IL1RAPL2: variants seen among roughly 807,000 people sequenced by gnomAD.
The protein encoded by IL1RAPL2 is X-linked interleukin-1 receptor accessory protein-like 2.
A neutral mutation model predicts 44.1 loss-of-function variants in IL1RAPL2; 3 were observed. That is an observed-to-expected ratio of 0.07 (90% CI 0.03 to 0.18). The LOEUF (loss-of-function observed/expected upper bound fraction) is 0.18, where lower values mean the gene tolerates loss of function less well. Ranked by LOEUF, IL1RAPL2 falls within the 10% of genes least tolerant of loss-of-function variation. The pLI, the probability that IL1RAPL2 is intolerant of heterozygous loss-of-function variation, is 1.00. For missense variants in IL1RAPL2, 391 were observed against 496.4 expected (o/e 0.79, Z 2.02); for synonymous variants, 181 against 178.8 (o/e 1.01, Z -0.10).
chrX:104,813,961 C>T (rs1256103269), intron 2 of IL1RAPL2, among the ~76,000 whole-genome samples: 1 of 111,625 alleles, frequency 9.0e-6, no homozygotes, highest in Non-Finnish European at 1.9e-5. Context: ...CACTTCCTTC[C>T]TCCTTGGTCT....
chrX:104,610,528 A>G (rs780748455), intron 1 of IL1RAPL2, among the ~76,000 whole-genome samples: 3 of 112,178 alleles, frequency 2.7e-5, no homozygotes, highest in African/African-American at 6.5e-5. Context: ...CCTATTCACA[A>G]TTGCTTCAAA....
chrX:105,324,163 G>T (rs1479168158), intron 5 of IL1RAPL2, among the ~76,000 whole-genome samples: 5 of 110,592 alleles, frequency 4.5e-5, no homozygotes. Context: ...TGTGGGTGGG[G>T]CTGGGCAAGG....
intron 2 of IL1RAPL2, among the ~76,000 whole-genome samples, chrX:104,886,980 T>C (rs1288749736): frequency 8.9e-6 from 1 of 112,358 alleles, no homozygotes; most frequent in Non-Finnish European, 1.9e-5. Context: ...GTACAAGGTG[T>C]CTAGGTTGAA....
intron 2 of IL1RAPL2, among the ~76,000 whole-genome samples, chrX:104,957,767 G>A (rs1288118979): frequency 5.4e-5 from 6 of 111,187 alleles, no homozygotes; most frequent in Non-Finnish European, 9.4e-5. Context: ...TTGGTGTGTG[G>A]CCTGTGTTAT....
intron 1 of IL1RAPL2, among the ~76,000 whole-genome samples, chrX:104,577,728 TG>T (rs1928269237): frequency 9.0e-6 from 1 of 111,214 alleles, no homozygotes; most frequent in South Asian, 3.8e-4. Flanking sequence ...AGCCCAGCAG[TG>T]GCTAGGGCTT....
At chrX:104,612,336 TTAATC>T (rs1397129778) in intron 1 of IL1RAPL2, among the ~76,000 whole-genome samples, 2 of 112,133 alleles carry the variant, frequency 1.8e-5, no homozygotes, top group Admixed American at 9.5e-5. Flanking sequence ...ATTTCAATCT[TTAATC>T]TAAAGTTAAT....
chrX:104,639,432 T>C (rs1361613153), intron 1 of IL1RAPL2, among the ~76,000 whole-genome samples: 3 of 112,143 alleles, frequency 2.7e-5, no homozygotes, highest in Non-Finnish European at 5.6e-5. Context: ...TCAAGATTAT[T>C]ATTGATCTGT....
chrX:104,772,051 A>G (rs991155806), intron 2 of IL1RAPL2, among the ~76,000 whole-genome samples: 3 of 111,477 alleles, frequency 2.7e-5, no homozygotes, highest in African/African-American at 9.8e-5. Context: ...AGAAGAGTCT[A>G]TTAGATGGTC....
chrX:105,111,288 T>A (rs1717789289), intron 2 of IL1RAPL2, among the ~76,000 whole-genome samples: 1 of 112,065 alleles, frequency 8.9e-6, no homozygotes, highest in African/African-American at 3.2e-5. Context: ...GTTTTTCTAT[T>A]TGTTTTCTCT....
intron 2 of IL1RAPL2, among the ~76,000 whole-genome samples, chrX:104,725,511 G>A (rs1931771631): frequency 8.9e-6 from 1 of 111,929 alleles, no homozygotes; most frequent in Non-Finnish European, 1.9e-5. Flanking sequence ...CAGTGTAAAA[G>A]CATTCCTATT....
At chrX:104,777,541 A>ATT (rs1932737432) in intron 2 of IL1RAPL2, among the ~76,000 whole-genome samples, 1 of 85,317 alleles carries the variant, frequency 1.2e-5, no homozygotes, top group Non-Finnish European at 2.2e-5. Flanking sequence ...CTCTGCTTTC[A>ATT]ATTATTATTA....
chrX:104,826,844 G>A (rs1921463117), intron 2 of IL1RAPL2, among the ~76,000 whole-genome samples: 1 of 108,419 alleles, frequency 9.2e-6, no homozygotes, highest in Admixed American at 1.0e-4. Context: ...TTGTTGCATT[G>A]ATCCCTTTAC....
chrX:105,191,143 G>A (rs782711191), intron 2 of IL1RAPL2, among the ~76,000 whole-genome samples: 14 of 112,744 alleles, frequency 1.2e-4, no homozygotes, highest in Middle Eastern at 4.6e-3. Context: ...ATAGAGATAC[G>A]AGTTTTATAC....
intron 2 of IL1RAPL2, among the ~76,000 whole-genome samples, chrX:104,898,394 G>A (rs1353376647): frequency 2.7e-5 from 3 of 111,989 alleles, no homozygotes; most frequent in Non-Finnish European, 5.6e-5. Flanking sequence ...ACTAAGTATA[G>A]GTATATTAGT....
intron 6 of IL1RAPL2, among the ~76,000 whole-genome samples, chrX:105,487,281 G>A (rs1370126752): frequency 3.6e-5 from 4 of 110,971 alleles, no homozygotes; most frequent in Non-Finnish European, 7.5e-5. Flanking sequence ...ATTCCATTCA[G>A]ATTCACTGGG....
intron 2 of IL1RAPL2, among the ~76,000 whole-genome samples, chrX:104,750,077 T>G: frequency 8.9e-6 from 1 of 111,997 alleles, no homozygotes; most frequent in Non-Finnish European, 1.9e-5. Flanking sequence ...TTTCTGAGGC[T>G]TGCTCGCTAG....
At chrX:105,670,926 CATAATAT>C (rs1200677313) in intron 6 of IL1RAPL2, among the ~76,000 whole-genome samples, 13 of 106,287 alleles carry the variant, frequency 1.2e-4, no homozygotes, top group Middle Eastern at 4.9e-3. Flanking sequence ...TACATATATA[CATAATAT>C]ATAATATATA....
intron 6 of IL1RAPL2, among the ~76,000 whole-genome samples, chrX:105,692,693 A>G (rs1172404989): frequency 2.8e-5 from 3 of 108,612 alleles, no homozygotes; most frequent in African/African-American, 1.0e-4. Context: ...GGTGGGAGAG[A>G]TGGGCAGGAT....
At chrX:104,691,548 T>G (rs1931092608) in intron 2 of IL1RAPL2, among the ~76,000 whole-genome samples, 1 of 112,293 alleles carries the variant, frequency 8.9e-6, no homozygotes, top group Admixed American at 9.5e-5. Flanking sequence ...TAATGACATT[T>G]CTCTCCATTA....
Sources: gnomAD v4.1 joint callset for allele counts (sites outside exome capture counted in the v4.1 genomes callset) on GRCh38, gnomAD v4.1.1 for gene constraint, MANE v1.5 for transcripts, NCBI Gene and HGNC (gene_info 2026-07-23, HGNC 2026-07-21) for gene names.